PIAS4: variants seen among roughly 807,000 people sequenced by gnomAD.
PIAS4 encodes the protein E3 SUMO-protein ligase PIAS4.
In PIAS4, 7 loss-of-function variants were observed where a neutral mutation model predicts 58.0. The observed-to-expected ratio is 0.12, with a 90% confidence interval of 0.07 to 0.23. The LOEUF is 0.23. Ranked by LOEUF, PIAS4 falls within the 10% of genes least tolerant of loss-of-function variation. The probability of loss-of-function intolerance (pLI) is 1.00; values close to 1 mark genes in which losing one functional copy is unlikely to be tolerated. For synonymous variants in PIAS4, 364 were observed against 312.4 expected (o/e 1.17, Z -1.74); for missense variants, 550 against 709.5 (o/e 0.78, Z 2.55).
In PIAS4 at chr19:4,033,224, CCCCCCTGGCGGCCCTGG is replaced by C. The variant is rs1449884264; in HGVS notation, c.981+52_981+68del. The C allele has an allele frequency of 1.3e-5, 20 of 1,545,626 alleles. No individual in the cohort carries two copies. In the Middle Eastern group the frequency reaches 1.0e-3, roughly 78 times the overall value. On this transcript the variant is annotated intron_variant, in intron 8 of 10. Coordinates refer to ENST00000262971, the MANE Select transcript of PIAS4 (RefSeq NM_015897.4). ...CGAGGCCTCTCCTGCGGCCGGCCTTCCCCCCTGGCGGCCCTGGGCCCGGGGCGGCTTGGCTGGGCCGT... is the reference window on the plus strand; with the variant it reads ...CGAGGCCTCTCCTGCGGCCGGCCTTCGCCCGGGGCGGCTTGGCTGGGCCGT...
chr19:4,016,424 T>C lies in PIAS4; in HGVS notation c.454+3075T>C, dbSNP rs187357657. Among the ~76,000 whole-genome samples the C allele has an allele frequency of 7.7e-4, 118 of 152,346 alleles. 3 individuals are homozygous for C. The East Asian group carries it at 0.022, about 29-fold the overall frequency. On this transcript the variant is annotated intron_variant, in intron 2 of 10. Transcript: ENST00000262971. ...CCTGGTACCAGCCAAGAGCCGCCGGTCTGGCATGTGCTGTGCTGTGTGTAG... is the reference window on the plus strand; with the variant it reads ...CCTGGTACCAGCCAAGAGCCGCCGGCCTGGCATGTGCTGTGCTGTGTGTAG...
intron 9 of PIAS4, among the ~76,000 whole-genome samples, chr19:4,036,764 C>G (rs1295157795): frequency 6.6e-6 from 1 of 150,380 alleles, no homozygotes; most frequent in African/African-American, 2.5e-5. Context: ...TCTATATGGT[C>G]TACACCGTCA....
At chr19:4,026,573 C>CCCCA (rs55735885) in intron 3 of PIAS4, among the ~76,000 whole-genome samples, 132,115 of 151,710 alleles carry the variant, frequency 0.87, 58,218 homozygotes, top group East Asian at 0.96. Flanking sequence ...TCATGTCCAT[C>CCCCA]CCCAGCAGCT....
chr19:4,029,726 G>T (rs1186307309), intron 7 of PIAS4, among the ~76,000 whole-genome samples: 2 of 151,318 alleles, frequency 1.3e-5, no homozygotes, highest in African/African-American at 4.8e-5. Context: ...GCTCACTGTA[G>T]CCTCTAACTC....
intron 2 of PIAS4, among the ~76,000 whole-genome samples, chr19:4,021,073 C>T (rs1458849713): frequency 6.6e-6 from 1 of 152,194 alleles, no homozygotes; most frequent in African/African-American, 2.4e-5. Context: ...TGCTCTACAC[C>T]TTTGCCATCT....
chr19:4,036,942 A>G (rs1011794005), intron 9 of PIAS4, among the ~76,000 whole-genome samples: 1 of 152,050 alleles, frequency 6.6e-6, no homozygotes, highest in Non-Finnish European at 1.5e-5. Flanking sequence ...ACACACATTC[A>G]TAGACTCCAC....
chr19:4,034,795 C>T (rs548555178), intron 9 of PIAS4, among the ~76,000 whole-genome samples: 7 of 152,294 alleles, frequency 4.6e-5, no homozygotes, highest in African/African-American at 1.7e-4. Flanking sequence ...GCCCATGGGA[C>T]TCGGTGTAGC....
intron 7 of PIAS4, among the ~76,000 whole-genome samples, chr19:4,031,289 T>G (rs2040220522): frequency 6.6e-6 from 1 of 152,054 alleles, no homozygotes; most frequent in East Asian, 1.9e-4. Flanking sequence ...TCCTGTGCAC[T>G]CCAGCCCCCC....
chr19:4,028,248 C>T, intron 4 of PIAS4, 61 bp downstream of exon 4: 2 of 1,439,290 alleles, frequency 1.4e-6, no homozygotes, highest in Non-Finnish European at 1.9e-6. Context: ...CCCTCCCCGC[C>T]CCCCAGTCCT....
At chr19:4,011,007 T>C (rs907678240) in intron 1 of PIAS4, among the ~76,000 whole-genome samples, 3 of 152,132 alleles carry the variant, frequency 2.0e-5, no homozygotes, top group East Asian at 1.9e-4. Context: ...GACCCGACAG[T>C]GGGCCCCGGC....
At chr19:4,010,750 C>A (rs1300739071) in intron 1 of PIAS4, among the ~76,000 whole-genome samples, 1 of 152,236 alleles carries the variant, frequency 6.6e-6, no homozygotes, top group Non-Finnish European at 1.5e-5. Context: ...CGATGGGTGT[C>A]CTCATTGTGA....
chr19:4,019,423 C>G (rs980255701), intron 2 of PIAS4, among the ~76,000 whole-genome samples: 1 of 152,210 alleles, frequency 6.6e-6, no homozygotes, highest in South Asian at 2.1e-4. Flanking sequence ...CTGTCTGCCC[C>G]AGGCATGGGC....
In PIAS4 at chr19:4,026,948, C is replaced by T. The variant is rs561498759; in HGVS notation, c.540-1198C>T. On this transcript the variant is annotated intron_variant, in intron 3 of 10. Transcript: ENST00000262971. ...CTGCAAGCTCTGCCTCCTGGGTTCACGCCATTCTCCTGCCTCAGCCTCCCA... is the reference window on the plus strand; with the variant it reads ...CTGCAAGCTCTGCCTCCTGGGTTCATGCCATTCTCCTGCCTCAGCCTCCCA... Among the ~76,000 whole-genome samples the T allele has an allele frequency of 6.6e-5, 10 of 152,060 alleles. No individual in the cohort carries two copies. In the South Asian group the frequency reaches 1.2e-3, roughly 19 times the overall value.
intron 2 of PIAS4, among the ~76,000 whole-genome samples, chr19:4,022,962 G>C (rs370375673): frequency 6.6e-6 from 1 of 150,988 alleles, no homozygotes; most frequent in East Asian, 2.0e-4. Flanking sequence ...ACCTGAGGTC[G>C]GGAGTTCGAG....
intron 3 of PIAS4, among the ~76,000 whole-genome samples, chr19:4,025,306 G>A (rs1432779297): frequency 6.6e-6 from 1 of 152,208 alleles, no homozygotes; most frequent in Non-Finnish European, 1.5e-5. Flanking sequence ...CGGTTGAACT[G>A]TGGCAGGTGA....
chr19:4,019,699 A>C, intron 2 of PIAS4, among the ~76,000 whole-genome samples: 1 of 152,064 alleles, frequency 6.6e-6, no homozygotes. Context: ...GGCCTTCCTC[A>C]AGGGCCCAGC....
chr19:4,009,932 G>T (rs1012573482), intron 1 of PIAS4, among the ~76,000 whole-genome samples: 1 of 152,160 alleles, frequency 6.6e-6, no homozygotes, highest in African/African-American at 2.4e-5. Flanking sequence ...ACAGATCTCC[G>T]CTTTCCTGGA....
rs1355260546 is a variant in PIAS4, at chr19:4,021,646, C to A, written c.455-2390C>A. Among the ~76,000 whole-genome samples the A allele has an allele frequency of 5.3e-5, 8 of 151,824 alleles. No individual in the cohort carries two copies. The South Asian group carries it at 1.2e-3, about 24-fold the overall frequency. ...CTTGTAAAATAAGAAGTATGCTTTC[C>A]TTCTCTGTTTTTTGAAAGAGTTTAT... is the stretch of plus-strand genomic sequence containing the variant. On this transcript the variant is annotated intron_variant, in intron 2 of 10. Coordinates refer to ENST00000262971, the MANE Select transcript of PIAS4 (RefSeq NM_015897.4).
rs1045798460 is a variant in PIAS4 at position 4,038,239 on chromosome 19, C to T, written c.*364C>T. 5 of 236,606 alleles carry T rather than the reference C, an allele frequency of 2.1e-5. No individual in the cohort carries two copies. The highest frequency in any genetic ancestry group is 3.3e-5 in the Non-Finnish European group (4 of 122,762). 14.7% of individuals were successfully genotyped at this position (236,606 alleles called of 1,614,324 possible). On this transcript the variant is annotated 3_prime_UTR_variant, in exon 11 of 11. Transcript: ENST00000262971. This position sits in a 1 kb window ranked among gnomAD's most constrained non-coding sequence, Gnocchi z 4.1. ...CCTCCCCTCCGGATGCCCCGCCGCC[C>T]GCCGCCCTCTGCCCACGACCATTCC...
Sources: allele counts gnomAD v4.1 joint callset (sites outside exome capture counted in the v4.1 genomes callset), GRCh38; gene constraint gnomAD v4.1.1; non-coding constraint Gnocchi (gnomAD v3.1); transcripts MANE v1.5; gene names NCBI Gene and HGNC (gene_info 2026-07-23, HGNC 2026-07-21).